Variants in PRKAA2 observed in about 807,000 individuals in gnomAD.
PRKAA2 encodes the protein 5'-AMP-activated protein kinase catalytic subunit alpha-2.
A neutral mutation model predicts 56.3 loss-of-function variants in PRKAA2; 40 were observed. The ratio of observed to expected loss-of-function variants is 0.71; its 90% CI spans 0.55 to 0.92. The LOEUF (loss-of-function observed/expected upper bound fraction) is 0.92. Ranked by LOEUF, PRKAA2 falls within the 40% of genes least tolerant of loss-of-function variation. The probability of loss-of-function intolerance (pLI) is 0.00; values close to 1 mark genes in which losing one functional copy is unlikely to be tolerated. For synonymous variants in PRKAA2, 214 were observed against 234.2 expected, an observed-to-expected ratio of 0.91 and a Z score of 0.79; for missense variants, 542 against 686.9, an observed-to-expected ratio of 0.79 and a Z score of 2.36.
At chr1:56,670,069 A>G (rs1401519555) in intron 1 of PRKAA2, among the ~76,000 whole-genome samples, 1 of 152,232 alleles carries the variant, frequency 6.6e-6, no homozygotes, top group Non-Finnish European at 1.5e-5. Flanking sequence ...ATGAACCACT[A>G]ATGGGTGATA....
intron 2 of PRKAA2, among the ~76,000 whole-genome samples, chr1:56,684,581 A>G (rs1185715856): frequency 6.6e-6 from 1 of 152,176 alleles, no homozygotes; most frequent in Admixed American, 6.5e-5. Context: ...GGAATCGGGT[A>G]TCTTGAAGCC....
intron 1 of PRKAA2, among the ~76,000 whole-genome samples, chr1:56,665,352 G>A (rs1644027948): frequency 6.6e-6 from 1 of 152,166 alleles, no homozygotes; most frequent in African/African-American, 2.4e-5. Context: ...GGGATTACAG[G>A]CTTGAGCCAC....
intron 1 of PRKAA2, among the ~76,000 whole-genome samples, chr1:56,666,037 G>A (rs1317035107): frequency 1.3e-5 from 2 of 152,138 alleles, no homozygotes; most frequent in African/African-American, 2.4e-5. Flanking sequence ...TTTGATAGGT[G>A]TTTGTTGGTT....
intron 1 of PRKAA2, among the ~76,000 whole-genome samples, chr1:56,648,758 C>T (rs552396028): frequency 2.1e-4 from 32 of 152,064 alleles, no homozygotes; most frequent in African/African-American, 4.8e-4. Context: ...CTAGTGGGTG[C>T]GAAATAGTAT....
At chr1:56,702,752 G>T (rs961411803) in intron 6 of PRKAA2, among the ~76,000 whole-genome samples, 2 of 152,182 alleles carry the variant, frequency 1.3e-5, no homozygotes, top group African/African-American at 2.4e-5. Context: ...ATTACTCAGA[G>T]TGGCTTCCCT....
In PRKAA2 at chr1:56,696,024, A is replaced by G. The variant is rs1569782596; in HGVS notation, c.653A>G (p.His218Arg). The change falls in exon 6 of 9, where the codon CAT becomes CGT. Residue 218 changes from histidine to arginine, a missense_variant. Physicochemically the swap from His to Arg is conservative, Grantham distance 29. Transcript: ENST00000371244. ...LCGTLPFDDE[H>R]VPTLFKKIRG... is the part of the protein sequence containing the mutation. ...GGCACCCTCCCATTTGATGATGAGC[A>G]TGTACCTACGTTATTTAAGAAGATC... The G allele has an allele frequency of 1.2e-6, 2 of 1,612,454 alleles. No homozygotes were observed. Among genetic ancestry groups the G allele is most frequent in the Non-Finnish European group, 8.5e-7 (1 of 1,179,744 alleles).
chr1:56,652,565 A>G (rs982631338), intron 1 of PRKAA2, among the ~76,000 whole-genome samples: 1 of 152,216 alleles, frequency 6.6e-6, no homozygotes, highest in African/African-American at 2.4e-5. Context: ...AATTAATTCC[A>G]TTTCTACTAC....
In PRKAA2 at chr1:56,652,643, A is replaced by G. The variant is rs868562605; in HGVS notation, c.94+7162A>G. 3.3e-5 allele frequency among the ~76,000 whole-genome samples: 5 copies of G among 152,342 alleles called. No individual in the cohort carries two copies. The Middle Eastern group carries it at 0.01, about 311-fold the overall frequency. On this transcript the variant is annotated intron_variant, in intron 1 of 8. Coordinates refer to ENST00000371244, the MANE Select transcript of PRKAA2 (RefSeq NM_006252.4). ...TTGTTTCCTCCTTCGTAATATGGCA[A>G]TGATCATACTTGTCCTGCCTACCTT...
intron 1 of PRKAA2, among the ~76,000 whole-genome samples, chr1:56,660,447 C>T (rs148112423): frequency 4.5e-4 from 69 of 152,260 alleles, no homozygotes; most frequent in African/African-American, 1.6e-3. Flanking sequence ...ATACAAAGGC[C>T]ACAGCCCTAC....
intron 1 of PRKAA2, 59 bp downstream of exon 1, chr1:56,645,540 G>T (rs1377692629): frequency 7.2e-7 from 1 of 1,396,998 alleles, no homozygotes; most frequent in Non-Finnish European, 9.5e-7. Flanking sequence ...AGGCCGAGGG[G>T]AGAGGCGGGA....
intron 2 of PRKAA2, among the ~76,000 whole-genome samples, chr1:56,684,432 A>G (rs953358813): frequency 1.3e-5 from 2 of 152,112 alleles, no homozygotes; most frequent in African/African-American, 4.8e-5. Context: ...TAAAGCCCTA[A>G]GACTGGATGA....
intron 6 of PRKAA2, among the ~76,000 whole-genome samples, chr1:56,702,636 C>G (rs1028667661): frequency 6.6e-6 from 1 of 152,154 alleles, no homozygotes; most frequent in Non-Finnish European, 1.5e-5. Flanking sequence ...CAGCATAACT[C>G]TTTCTTGTCT....
intron 4 of PRKAA2, 90 bp from the exon 5 acceptor site, chr1:56,693,675 A>C: frequency 1.3e-6 from 1 of 792,168 alleles, no homozygotes; most frequent in Non-Finnish European, 2.0e-6. Context: ...TATATGGAGG[A>C]TCCAGGACTT....
At chr1:56,697,924 G>T (rs1394198423) in intron 6 of PRKAA2, among the ~76,000 whole-genome samples, 1 of 151,694 alleles carries the variant, frequency 6.6e-6, no homozygotes, top group Non-Finnish European at 1.5e-5. Context: ...GAGTTAATTT[G>T]TACGTAGGTA....
At chr1:56,674,621 AT>A in intron 2 of PRKAA2, 99 bp downstream of exon 2, 7 of 1,080,808 alleles carry the variant, frequency 6.5e-6, no homozygotes, top group East Asian at 2.8e-5. Flanking sequence ...TTTTACAAAG[AT>A]TTTTTTTCAT....
intron 1 of PRKAA2, among the ~76,000 whole-genome samples, chr1:56,673,644 A>G (rs1644093197): frequency 6.6e-6 from 1 of 152,220 alleles, no homozygotes; most frequent in African/African-American, 2.4e-5. Flanking sequence ...GAATGACTAT[A>G]TTTATCATAG....
At chr1:56,696,470 T>G (rs1007370983) in intron 6 of PRKAA2, among the ~76,000 whole-genome samples, 3 of 152,220 alleles carry the variant, frequency 2.0e-5, no homozygotes, top group Non-Finnish European at 4.4e-5. Flanking sequence ...TTCTGTTTTA[T>G]CAACATTTTG....
chr1:56,699,124 GA>G (rs766317049), intron 6 of PRKAA2, among the ~76,000 whole-genome samples: 1 of 152,076 alleles, frequency 6.6e-6, no homozygotes, highest in Non-Finnish European at 1.5e-5. Context: ...GAAAATGATT[GA>G]ATATCAGAAA....
At chr1:56,689,889 GACAC>G (rs201797334) in intron 2 of PRKAA2, among the ~76,000 whole-genome samples, 16,859 of 62,298 alleles carry the variant, frequency 0.27, 1,069 homozygotes, top group Non-Finnish European at 0.3. Flanking sequence ...TAGAAACACA[GACAC>G]ACAGACACAC....
Sources: allele counts gnomAD v4.1 joint callset (sites outside exome capture counted in the v4.1 genomes callset), GRCh38; gene constraint gnomAD v4.1.1; transcripts MANE v1.5; gene names NCBI Gene and HGNC (gene_info 2026-07-23, HGNC 2026-07-21).